Variants in BCAS3 observed in about 807,000 individuals in gnomAD.
The protein encoded by BCAS3 is BCAS3 microtubule associated cell migration factor.
Under a neutral mutation model 116.1 loss-of-function variants are expected in BCAS3, and 53 were observed. That is an observed-to-expected ratio of 0.46 (90% CI 0.37 to 0.57). The LOEUF is 0.57. Ranked by LOEUF, BCAS3 falls within the 20% of genes least tolerant of loss-of-function variation. BCAS3 has a pLI of 0.00. For synonymous variants in BCAS3, 391 were observed against 408.2 expected (o/e 0.96, Z 0.51); for missense variants, 917 against 1,165.4 (o/e 0.79, Z 3.10).
intron 6 of BCAS3, among the ~76,000 whole-genome samples, chr17:60,805,842 A>C (rs1598840244): frequency 6.8e-6 from 1 of 147,944 alleles, no homozygotes; most frequent in African/African-American, 2.5e-5. Flanking sequence ...AAAAAAGAGA[A>C]GTGACTCAGC....
At position 61,141,491 on chromosome 17, in the gene BCAS3, G is replaced by A. The variant is rs577130841; in HGVS notation, c.2425+56927G>A. Reference sequence around the variant, plus strand: ...AAGGATTCCTTGAGTCCAGGAGTTCGAGACTGCAGTGAGTTATGATCACAC... The same window carrying A: ...AAGGATTCCTTGAGTCCAGGAGTTCAAGACTGCAGTGAGTTATGATCACAC... On this transcript the variant is annotated intron_variant, in intron 22 of 23. Coordinates refer to ENST00000407086, the MANE Select transcript of BCAS3 (RefSeq NM_017679.5). This position sits in a 1 kb window ranked among gnomAD's most constrained non-coding sequence, Gnocchi z 4.3. 2.0e-5 allele frequency among the ~76,000 whole-genome samples: 3 copies of A among 152,284 alleles called. No individual in the cohort carries two copies. Among genetic ancestry groups the A allele is most frequent in the South Asian group, 4.1e-4 (2 of 4,820 alleles).
intron 6 of BCAS3, among the ~76,000 whole-genome samples, chr17:60,802,101 A>C (rs1287240029): frequency 1.3e-5 from 2 of 151,748 alleles, no homozygotes; most frequent in African/African-American, 4.8e-5. Context: ...TGAGGTCAGG[A>C]GTTTGAGACC....
Position 61,208,205 on chromosome 17 carries a change from T to C in BCAS3, c.2425+123641T>C, listed in dbSNP as rs2081258049. ...AGACTAGTAACTTCCTATTCCACTT[T>C]CCTGGGCTTGGTATTTTAGTTATTG... On this transcript the variant is annotated intron_variant, in intron 22 of 23. Transcript: ENST00000407086. This position sits in a 1 kb window ranked among gnomAD's most constrained non-coding sequence, Gnocchi z 4.5. Among the ~76,000 whole-genome samples, 1 of 152,212 alleles carries C rather than the reference T, an allele frequency of 6.6e-6. No homozygotes were observed. The highest frequency in any genetic ancestry group is 1.5e-5 in the Non-Finnish European group (1 of 68,038).
chr17:61,053,273 C>T (rs968076163), intron 19 of BCAS3, among the ~76,000 whole-genome samples: 1 of 152,120 alleles, frequency 6.6e-6, no homozygotes, highest in African/African-American at 2.4e-5. Flanking sequence ...CAAATCACAA[C>T]ATTGAGACTA....
chr17:60,840,685 C>T lies in BCAS3; in HGVS notation c.477-27891C>T, dbSNP rs993877816. Among the ~76,000 whole-genome samples, 12 of 152,154 alleles carry T rather than the reference C, an allele frequency of 7.9e-5. No homozygotes were observed. In the East Asian group the frequency reaches 1.5e-3, roughly 20 times the overall value. ...GAAACAGATTGTCAGAAGGTTTCCC[C>T]GTGTTTACAACATGTTTGGTAGTAT... On this transcript the variant is annotated intron_variant, in intron 7 of 23. Transcript: ENST00000407086.
At chr17:60,810,835 C>G (rs1598873409) in intron 7 of BCAS3, 1 of 697,802 alleles carries the variant, frequency 1.4e-6, no homozygotes. Flanking sequence ...AGTAAAAGTC[C>G]TACAAGCCCA....
chr17:61,053,783 G>T (rs1485327800), intron 19 of BCAS3, among the ~76,000 whole-genome samples: 1 of 152,214 alleles, frequency 6.6e-6, no homozygotes, highest in Non-Finnish European at 1.5e-5. Context: ...ATAGTCCATT[G>T]TTGTCCATAG....
At chr17:60,978,085 C>T (rs934890833) in intron 14 of BCAS3, among the ~76,000 whole-genome samples, 7 of 124,780 alleles carry the variant, frequency 5.6e-5, no homozygotes, top group African/African-American at 8.9e-5. Flanking sequence ...ACACTGACTT[C>T]CACAATGGTT....
intron 22 of BCAS3, among the ~76,000 whole-genome samples, chr17:61,102,301 T>C (rs1218447920): frequency 1.3e-5 from 2 of 152,160 alleles, no homozygotes; most frequent in African/African-American, 4.8e-5. Context: ...TCTTAACATC[T>C]GTTTTTAAAT....
At position 60,993,479 on chromosome 17, in the gene BCAS3, A is replaced by T. The variant is rs1265581163; in HGVS notation, c.1486+3244A>T. ...TCAGGCAGCCTATTCCTCCTGATAG[A>T]TAACACGTGTTAAAATTTTATTTCC... On this transcript the variant is annotated intron_variant, in intron 15 of 23. Transcript: ENST00000407086. The surrounding 1 kb of genome is among the most constrained non-coding windows in gnomAD (Gnocchi z 4.2). Among the ~76,000 whole-genome samples, 2 of 152,216 alleles carry T rather than the reference A, an allele frequency of 1.3e-5. No individual in the cohort carries two copies. Among genetic ancestry groups the T allele is most frequent in the Non-Finnish European group, 2.9e-5 (2 of 68,024 alleles).
At chr17:61,078,225 C>A in intron 20 of BCAS3, 108 bp from the exon 21 acceptor site, 1 of 842,854 alleles carries the variant, frequency 1.2e-6, no homozygotes. Flanking sequence ...GCCACTTTAA[C>A]ATGGGCTTCT....
At chr17:61,064,013 A>G (rs1194429731) in intron 19 of BCAS3, among the ~76,000 whole-genome samples, 1 of 152,160 alleles carries the variant, frequency 6.6e-6, no homozygotes, top group Non-Finnish European at 1.5e-5. Context: ...TAAATTTGAC[A>G]TTTGTTCTTA....
chr17:60,735,945 A>ACATTTT (rs750978285), intron 5 of BCAS3, among the ~76,000 whole-genome samples: 1 of 152,170 alleles, frequency 6.6e-6, no homozygotes, highest in Non-Finnish European at 1.5e-5. Flanking sequence ...TGAGCCATTA[A>ACATTTT]GTGAGTGTAA....
intron 7 of BCAS3, among the ~76,000 whole-genome samples, chr17:60,817,532 T>C (rs1361250751): frequency 6.6e-6 from 1 of 152,230 alleles, no homozygotes; most frequent in African/African-American, 2.4e-5. Context: ...CATAGACTAT[T>C]GGAAGTGGAA....
intron 22 of BCAS3, among the ~76,000 whole-genome samples, chr17:61,288,250 C>T (rs149866339): frequency 2.0e-4 from 30 of 152,260 alleles, no homozygotes; most frequent in Non-Finnish European, 3.7e-4. Context: ...GTGCTATTAT[C>T]GGTAGTGAAT....
At position 61,368,276 on chromosome 17, in the gene BCAS3, C is replaced by T; in HGVS notation, c.2426-51C>T. 1 of 1,535,452 alleles carries T rather than the reference C, an allele frequency of 6.5e-7. No individual in the cohort carries two copies. The highest frequency in any genetic ancestry group is 8.8e-7 in the Non-Finnish European group (1 of 1,131,880). ...CGGGTGGGAGGTAGACAAGAATGGCCTGCTCCCTGAAGGTGTGGACTCAAC... is the reference window on the plus strand; with the variant it reads ...CGGGTGGGAGGTAGACAAGAATGGCTTGCTCCCTGAAGGTGTGGACTCAAC... On this transcript the variant is annotated intron_variant, in intron 22 of 23. Transcript: ENST00000407086. The surrounding 1 kb of genome is among the most constrained non-coding windows in gnomAD (Gnocchi z 6.0).
intron 7 of BCAS3, among the ~76,000 whole-genome samples, chr17:60,822,062 C>T (rs2050013940): frequency 6.6e-6 from 1 of 152,134 alleles, no homozygotes; most frequent in Non-Finnish European, 1.5e-5. Context: ...ACAAATAATG[C>T]TGCTATGAAC....
In BCAS3 at chr17:61,087,010, C is replaced by G. The variant is rs917830584; in HGVS notation, c.2425+2446C>G. 1.0e-6 allele frequency: 1 copy of G among 985,080 alleles called. No individual in the cohort carries two copies. The allele number at this position is 985,080 out of a possible 1,614,324, so 61.0% of individuals were successfully genotyped here. On this transcript the variant is annotated intron_variant, in intron 22 of 23. Transcript: ENST00000407086. The surrounding 1 kb of genome is among the most constrained non-coding windows in gnomAD (Gnocchi z 4.6). ...AAACAACATCTAGGCTAACAAAAAT[C>G]AAGGTAGCAAGTCTAACGAAATCGA...
At chr17:60,877,743 G>A (rs1442094036) in intron 9 of BCAS3, among the ~76,000 whole-genome samples, 2 of 152,138 alleles carry the variant, frequency 1.3e-5, no homozygotes, top group Non-Finnish European at 2.9e-5. Flanking sequence ...GTGGCTGGAG[G>A]TCCACAGTGA....
Sources: allele counts gnomAD v4.1 joint callset (sites outside exome capture counted in the v4.1 genomes callset), GRCh38; gene constraint gnomAD v4.1.1; non-coding constraint Gnocchi (gnomAD v3.1); transcripts MANE v1.5; gene names NCBI Gene and HGNC (gene_info 2026-07-23, HGNC 2026-07-21).